The following ERICH1 variants were observed in gnomAD, a reference collection of about 807,000 sequenced individuals.
ERICH1 encodes the protein glutamate-rich protein 1.
Under a neutral mutation model 39.6 loss-of-function variants are expected in ERICH1, and 56 were observed. That is an observed-to-expected ratio of 1.41 (90% confidence interval 1.14 to 1.77). The LOEUF is 1.77. Ranked by LOEUF, ERICH1 falls within the 40% of genes most tolerant of loss-of-function variation. The pLI, the probability that ERICH1 is intolerant of heterozygous loss-of-function variation, is 0.00. For missense variants in ERICH1, 826 were observed against 575.4 expected (o/e 1.44, Z -4.45); for synonymous variants, 313 against 223.6 (o/e 1.40, Z -3.57).
intron 2 of ERICH1, among the ~76,000 whole-genome samples, chr8:714,793 C>T (rs1428058805): frequency 1.3e-5 from 2 of 151,362 alleles, no homozygotes; most frequent in South Asian, 2.1e-4. Flanking sequence ...CGGCATCTCT[C>T]GGTGGGATGT....
At chr8:623,665 A>T (rs1261273033) in intron 3 of ERICH1, among the ~76,000 whole-genome samples, 1 of 152,228 alleles carries the variant, frequency 6.6e-6, no homozygotes, top group Non-Finnish European at 1.5e-5. Context: ...ACAGTCATTT[A>T]AATAAATGAT....
intron 5 of ERICH1, chr8:667,927 G>C (rs1000653201): frequency 1.9e-5 from 3 of 153,990 alleles, no homozygotes; most frequent in African/African-American, 7.3e-5. Context: ...CCTCCTCTGG[G>C]ATAGGTGCCA....
chr8:627,942 CG>C (rs887083113), intron 3 of ERICH1, among the ~76,000 whole-genome samples: 7 of 152,066 alleles, frequency 4.6e-5, no homozygotes, highest in East Asian at 1.9e-4. Context: ...ACACAGGGGC[CG>C]GGGGGGCCTG....
intron 3 of ERICH1, among the ~76,000 whole-genome samples, chr8:685,505 AG>A (rs561020991): frequency 1.5e-3 from 235 of 152,370 alleles, no homozygotes; most frequent in Non-Finnish European, 3.0e-3. Flanking sequence ...AGACATGCAT[AG>A]GAAATTATAA....
intron 3 of ERICH1, among the ~76,000 whole-genome samples, chr8:625,137 G>C (rs1307837975): frequency 6.6e-6 from 1 of 152,106 alleles, no homozygotes. Flanking sequence ...TCCAACATCG[G>C]AGATTACAAT....
At chr8:690,317 G>A (rs900991564) in intron 3 of ERICH1, among the ~76,000 whole-genome samples, 1 of 152,236 alleles carries the variant, frequency 6.6e-6, no homozygotes, top group South Asian at 2.1e-4. Flanking sequence ...ACAAACTGCT[G>A]GTACTTAGGT....
At chr8:672,449 T>C (rs1231621397) in intron 4 of ERICH1, among the ~76,000 whole-genome samples, 2 of 152,212 alleles carry the variant, frequency 1.3e-5, no homozygotes, top group Admixed American at 6.5e-5. Context: ...TCCCAAATTA[T>C]TACATAGCTG....
In ERICH1 at chr8:650,012, C is replaced by T. The variant is rs377138651; in HGVS notation, c.976+18586G>A. Among the ~76,000 whole-genome samples, 16 of 152,354 alleles carry T rather than the reference C, an allele frequency of 1.1e-4. No homozygotes were observed. The East Asian group carries it at 2.1e-3, about 20-fold the overall frequency. On this transcript the variant is annotated intron_variant, in intron 3 of 3. Coordinates refer to the ERICH1 transcript ENST00000522706. ...GAGCCTGAGCACCCCGGACCGCGCC[C>T]GGCGAGGGCGGCCTCCCTGCGCTGA...
rs559727156 is a variant in ERICH1 at position 681,510 on chromosome 8, G to C, written c.305-7463C>G. On this transcript the variant is annotated intron_variant, in intron 3 of 5. Coordinates refer to ENST00000262109, the MANE Select transcript of ERICH1 (RefSeq NM_207332.3). Reference sequence around the variant, plus strand: ...GGGATTGGAGTCTCATACAAAGAATGCAAGAGTAATCAGAACTTGAAGGAA... The same window carrying C: ...GGGATTGGAGTCTCATACAAAGAATCCAAGAGTAATCAGAACTTGAAGGAA... Among the ~76,000 whole-genome samples, 27 of 152,338 alleles carry C rather than the reference G, an allele frequency of 1.8e-4. No individual in the cohort carries two copies. The East Asian group carries it at 4.4e-3, about 25-fold the overall frequency.
intron 1 of ERICH1, chr8:725,800 T>A (rs1448044146): frequency 1.3e-5 from 2 of 152,626 alleles, no homozygotes; most frequent in African/African-American, 4.8e-5. Context: ...CGCCTCTTCC[T>A]TTGCCAGGAT....
At chr8:669,987 C>G (rs1802925658) in intron 4 of ERICH1, among the ~76,000 whole-genome samples, 1 of 152,138 alleles carries the variant, frequency 6.6e-6, no homozygotes, top group Non-Finnish European at 1.5e-5. Flanking sequence ...GCTCCGTCCT[C>G]TCTCCTCTCC....
intron 3 of ERICH1, among the ~76,000 whole-genome samples, chr8:632,225 T>C (rs1443846765): frequency 1.3e-5 from 2 of 152,322 alleles, no homozygotes; most frequent in African/African-American, 2.4e-5. Flanking sequence ...CATTTTTCTA[T>C]TGTGTGTCGT....
chr8:709,148 C>T (rs1749254737), intron 2 of ERICH1, among the ~76,000 whole-genome samples: 1 of 152,174 alleles, frequency 6.6e-6, no homozygotes, highest in South Asian at 2.1e-4. Flanking sequence ...TTCTGGGGTG[C>T]AGCCTTATCT....
chr8:618,973 C>A (rs929029786), intron 3 of ERICH1, among the ~76,000 whole-genome samples: 3 of 152,106 alleles, frequency 2.0e-5, no homozygotes, highest in Non-Finnish European at 4.4e-5. Flanking sequence ...CTGAAATTAT[C>A]CTAAGGGCAT....
At chr8:685,699 C>A (rs986973269) in intron 3 of ERICH1, among the ~76,000 whole-genome samples, 1 of 152,148 alleles carries the variant, frequency 6.6e-6, no homozygotes, top group Non-Finnish European at 1.5e-5. Flanking sequence ...GTTCGGGGTC[C>A]CTGACTTCCT....
chr8:685,189 T>C (rs10086823), intron 3 of ERICH1, among the ~76,000 whole-genome samples: 104,202 of 151,984 alleles, frequency 0.69, 35,993 homozygotes, highest in East Asian at 0.91. Flanking sequence ...GCATTCTTTT[T>C]CCAGGGCTCT....
chr8:708,472 A>G (rs1813807424), intron 2 of ERICH1, among the ~76,000 whole-genome samples: 1 of 152,208 alleles, frequency 6.6e-6, no homozygotes, highest in Admixed American at 6.5e-5. Context: ...GCCTTAAAAA[A>G]GAAAGTTAGT....
intron 3 of ERICH1, among the ~76,000 whole-genome samples, chr8:658,701 G>C (rs536017503): frequency 3.3e-5 from 5 of 152,272 alleles, no homozygotes; most frequent in South Asian, 2.1e-4. Flanking sequence ...CAAGACCCTA[G>C]AGATGCCCCT....
intron 2 of ERICH1, among the ~76,000 whole-genome samples, chr8:707,711 T>A (rs2132266906): frequency 6.6e-6 from 1 of 152,314 alleles, no homozygotes; most frequent in Admixed American, 6.5e-5. Flanking sequence ...AACCTAGGCA[T>A]AAATCTTTGT....
Sources: gnomAD v4.1 joint callset for allele counts (sites outside exome capture counted in the v4.1 genomes callset) on GRCh38, gnomAD v4.1.1 for gene constraint, MANE v1.5 for transcripts, NCBI Gene and HGNC (gene_info 2026-07-23, HGNC 2026-07-21) for gene names.